SSH2: variants seen among roughly 807,000 people sequenced by gnomAD.
The protein encoded by SSH2 is protein phosphatase Slingshot homolog 2.
SSH2 carries 37 observed loss-of-function variants against 135.2 expected under a neutral mutation model. The ratio of observed to expected loss-of-function variants is 0.27; its 90% CI spans 0.21 to 0.36. The LOEUF (loss-of-function observed/expected upper bound fraction) is 0.36. Ranked by LOEUF, SSH2 falls within the 10% of genes least tolerant of loss-of-function variation. The probability of loss-of-function intolerance (pLI) is 1.00; values close to 1 mark genes in which losing one functional copy is unlikely to be tolerated. For missense variants in SSH2, 1,408 were observed against 1,765.3 expected (o/e 0.80, Z 3.63); for synonymous variants, 628 against 646.2 (o/e 0.97, Z 0.43).
At chr17:29,653,570 G>C (rs1168455595) in intron 12 of SSH2, among the ~76,000 whole-genome samples, 1 of 151,928 alleles carries the variant, frequency 6.6e-6, no homozygotes, top group Non-Finnish European at 1.5e-5. Flanking sequence ...ACTGTATCTA[G>C]GTTTCCCAGA....
chr17:29,726,941 C>T (rs1384797807), intron 3 of SSH2, among the ~76,000 whole-genome samples: 1 of 152,166 alleles, frequency 6.6e-6, no homozygotes, highest in Admixed American at 6.5e-5. Context: ...TCAAATCTCC[C>T]TTAATCTATC....
chr17:29,767,237 C>G (rs1199023880), intron 3 of SSH2, among the ~76,000 whole-genome samples: 1 of 152,134 alleles, frequency 6.6e-6, no homozygotes, highest in Admixed American at 6.6e-5. Flanking sequence ...ATGCTGCTTT[C>G]TTCAGGTTAC....
At chr17:29,852,891 G>T (rs2065590293) in intron 1 of SSH2, among the ~76,000 whole-genome samples, 1 of 151,884 alleles carries the variant, frequency 6.6e-6, no homozygotes, top group Non-Finnish European at 1.5e-5. Context: ...TCCGGGTTCT[G>T]CAGAGTGAAC....
At chr17:29,753,159 C>T (rs1046504385) in intron 3 of SSH2, among the ~76,000 whole-genome samples, 11 of 152,088 alleles carry the variant, frequency 7.2e-5, no homozygotes, top group Admixed American at 3.9e-4. Context: ...GAGACGGAGT[C>T]TTGCTCAGTC....
intron 3 of SSH2, among the ~76,000 whole-genome samples, chr17:29,729,417 G>A (rs1043653633): frequency 1.3e-5 from 2 of 152,176 alleles, no homozygotes; most frequent in Non-Finnish European, 1.5e-5. Context: ...GTGGAGAAAA[G>A]GGAACCCTCA....
At chr17:29,804,507 A>G (rs1299055791) in intron 2 of SSH2, among the ~76,000 whole-genome samples, 3 of 152,212 alleles carry the variant, frequency 2.0e-5, no homozygotes, top group Non-Finnish European at 2.9e-5. Context: ...TGGATGTGAA[A>G]CTGTTACTGG....
intron 3 of SSH2, among the ~76,000 whole-genome samples, chr17:29,778,770 G>C (rs2041769610): frequency 6.8e-6 from 1 of 147,940 alleles, no homozygotes; most frequent in African/African-American, 2.5e-5. Context: ...GGAGATGGAG[G>C]TTGCAGTGAG....
intron 1 of SSH2, among the ~76,000 whole-genome samples, chr17:29,865,508 G>C (rs559143512): frequency 6.6e-6 from 1 of 152,264 alleles, no homozygotes; most frequent in Admixed American, 6.5e-5. Flanking sequence ...AGGGCTCTAA[G>C]GAACTTCTAA....
intron 1 of SSH2, among the ~76,000 whole-genome samples, chr17:29,923,486 G>T (rs2067011168): frequency 6.6e-6 from 1 of 151,850 alleles, no homozygotes; most frequent in Non-Finnish European, 1.5e-5. Context: ...GGGCATGGTG[G>T]TGCATATCTA....
Position 29,652,086 on chromosome 17 carries a change from G to C in SSH2, c.1080-1286C>G, listed in dbSNP as rs1476105048. ...GAACCCGGGAGGCGGAGGTTGCAGT[G>C]AGTCGAGATTGCGCCATTGCACTCC... On this transcript the variant is annotated intron_variant, in intron 12 of 15. Coordinates refer to ENST00000540801, the MANE Select transcript of SSH2 (RefSeq NM_001282129.2). 4.6e-5 allele frequency among the ~76,000 whole-genome samples: 7 copies of C among 152,108 alleles called. No individual in the cohort carries two copies. The East Asian group carries it at 1.4e-3, about 29-fold the overall frequency.
intron 2 of SSH2, among the ~76,000 whole-genome samples, chr17:29,842,139 G>GGGGGGGGT (rs79157063): frequency 1.3e-5 from 2 of 150,862 alleles, no homozygotes; most frequent in Non-Finnish European, 3.0e-5. Flanking sequence ...TTTAACTGGA[G>GGGGGGGGT]GAGACCCTGT....
intron 3 of SSH2, among the ~76,000 whole-genome samples, chr17:29,751,734 G>A (rs1005128143): frequency 3.3e-5 from 5 of 152,214 alleles, no homozygotes; most frequent in African/African-American, 9.6e-5. Context: ...GTTATGTGGT[G>A]CATAACTGCA....
chr17:29,823,602 G>A (rs1455326689), intron 2 of SSH2, among the ~76,000 whole-genome samples: 1 of 151,878 alleles, frequency 6.6e-6, no homozygotes. Context: ...CACTGGGGTC[G>A]GGTGCGGTCT....
chr17:29,675,613 G>A (rs1238676440), intron 8 of SSH2, among the ~76,000 whole-genome samples: 1 of 152,000 alleles, frequency 6.6e-6, no homozygotes, highest in Non-Finnish European at 1.5e-5. Flanking sequence ...GGGCAACACA[G>A]AGAGACCCCC....
intron 6 of SSH2, among the ~76,000 whole-genome samples, chr17:29,678,878 C>G (rs989994268): frequency 6.6e-6 from 1 of 151,906 alleles, no homozygotes; most frequent in African/African-American, 2.4e-5. Context: ...CCATGCCCGG[C>G]TAATTTTTGT....
At chr17:29,657,622 C>T (rs1475423624) in intron 11 of SSH2, among the ~76,000 whole-genome samples, 3 of 124,602 alleles carry the variant, frequency 2.4e-5, no homozygotes, top group African/African-American at 9.1e-5. Flanking sequence ...TGCTCTGTTG[C>T]CTAGGCTGGA....
intron 2 of SSH2, among the ~76,000 whole-genome samples, chr17:29,827,042 T>C (rs1261073979): frequency 6.6e-6 from 1 of 152,228 alleles, no homozygotes; most frequent in Non-Finnish European, 1.5e-5. Context: ...ATTCCATAAA[T>C]ATAAACCTAT....
At chr17:29,854,243 C>A (rs1353192407) in intron 1 of SSH2, among the ~76,000 whole-genome samples, 1 of 151,914 alleles carries the variant, frequency 6.6e-6, no homozygotes, top group Admixed American at 6.6e-5. Flanking sequence ...ATTTATTGTA[C>A]CCCTACTGCG....
At chr17:29,775,417 T>G (rs559482426) in intron 3 of SSH2, among the ~76,000 whole-genome samples, 52 of 151,996 alleles carry the variant, frequency 3.4e-4, no homozygotes, top group Non-Finnish European at 6.3e-4. Context: ...GCCTCCCATA[T>G]TATGAACTTT....
Sources: allele counts gnomAD v4.1 joint callset (sites outside exome capture counted in the v4.1 genomes callset), GRCh38; gene constraint gnomAD v4.1.1; transcripts MANE v1.5; gene names NCBI Gene and HGNC (gene_info 2026-07-23, HGNC 2026-07-21).